The following RASGEF1A variants were observed in gnomAD, a reference collection of about 807,000 sequenced individuals.
The protein encoded by RASGEF1A is RasGEF domain family member 1A, also known as ras-GEF domain-containing family member 1A.
RASGEF1A carries 18 observed loss-of-function variants against 56.4 expected under a neutral mutation model. The observed-to-expected ratio is 0.32, with a 90% confidence interval of 0.22 to 0.47. The LOEUF is 0.47. Among genes scored for constraint, RASGEF1A ranks in the 20% least tolerant of loss-of-function variants. RASGEF1A has a pLI of 1.00. For synonymous variants in RASGEF1A, 245 were observed against 242.6 expected, an observed-to-expected ratio of 1.01 and a Z score of -0.09; for missense variants, 422 against 627.1, an observed-to-expected ratio of 0.67 and a Z score of 3.49.
intron 1 of RASGEF1A, among the ~76,000 whole-genome samples, chr10:43,230,885 C>T (rs1840357572): frequency 6.6e-6 from 1 of 152,204 alleles, no homozygotes; most frequent in Non-Finnish European, 1.5e-5. Context: ...AAAGTAGGGG[C>T]TGTGCTGGGT....
At chr10:43,197,940 G>T (rs1331514747) in intron 10 of RASGEF1A, 64 bp downstream of exon 10, 1 of 1,426,826 alleles carries the variant, frequency 7.0e-7, no homozygotes, top group Non-Finnish European at 9.7e-7. Context: ...CAGGGCTAAT[G>T]CCTGGCGGCT....
intron 1 of RASGEF1A, among the ~76,000 whole-genome samples, chr10:43,246,984 T>C (rs908623579): frequency 8.5e-5 from 13 of 152,304 alleles, no homozygotes; most frequent in Non-Finnish European, 1.5e-4. Context: ...TGGGAAACAC[T>C]ACCCTCAGAA....
chr10:43,235,806 T>G (rs775806622), intron 1 of RASGEF1A, among the ~76,000 whole-genome samples: 1 of 152,090 alleles, frequency 6.6e-6, no homozygotes, highest in Non-Finnish European at 1.5e-5. Flanking sequence ...CACAGCATCA[T>G]GCCCAGCACA....
chr10:43,210,404 G>A (rs1040528107), intron 1 of RASGEF1A, among the ~76,000 whole-genome samples: 1 of 152,180 alleles, frequency 6.6e-6, no homozygotes, highest in East Asian at 1.9e-4. Context: ...AGCCCAGGAG[G>A]TTGAGGCTGC....
chr10:43,229,865 C>T, intron 1 of RASGEF1A: 1 of 624,190 alleles, frequency 1.6e-6, no homozygotes, highest in South Asian at 5.4e-5. Context: ...GCGAGGCCGG[C>T]CAGGAACGCG....
intron 1 of RASGEF1A, among the ~76,000 whole-genome samples, chr10:43,260,369 G>A (rs796358667): frequency 3.3e-5 from 5 of 152,314 alleles, no homozygotes; most frequent in African/African-American, 7.2e-5. Flanking sequence ...ATCCCCTCCT[G>A]TGTCTTCCCC....
intron 1 of RASGEF1A, among the ~76,000 whole-genome samples, chr10:43,254,502 G>A (rs565522772): frequency 6.6e-6 from 1 of 152,204 alleles, no homozygotes; most frequent in South Asian, 2.1e-4. Flanking sequence ...TCCACCTCGG[G>A]CCTCACGGCT....
chr10:43,203,186 GA>G (rs1313879398), intron 3 of RASGEF1A, 111 bp downstream of exon 3: 16,687 of 913,950 alleles, frequency 0.018, 658 homozygotes, highest in African/African-American at 0.15. Flanking sequence ...CTCTAGCCCT[GA>G]CCCCATCCCC....
chr10:43,254,590 C>A (rs1033019340), intron 1 of RASGEF1A, among the ~76,000 whole-genome samples: 1 of 152,216 alleles, frequency 6.6e-6, no homozygotes, highest in African/African-American at 2.4e-5. Context: ...CAGGTCACAG[C>A]GCAGTGACAC....
chr10:43,242,582 G>A (rs1737213049), intron 1 of RASGEF1A, among the ~76,000 whole-genome samples: 2 of 152,080 alleles, frequency 1.3e-5, no homozygotes, highest in South Asian at 4.2e-4. Flanking sequence ...GCAGAGCCTG[G>A]ACTGTACTGC....
intron 1 of RASGEF1A, among the ~76,000 whole-genome samples, chr10:43,260,323 A>T (rs924431579): frequency 3.9e-5 from 6 of 151,942 alleles, no homozygotes; most frequent in African/African-American, 1.5e-4. Flanking sequence ...CCACTCTGCA[A>T]CCTGGGCCCT....
At chr10:43,225,542 T>C (rs1481009160) in intron 1 of RASGEF1A, among the ~76,000 whole-genome samples, 1 of 151,658 alleles carries the variant, frequency 6.6e-6, no homozygotes, top group Non-Finnish European at 1.5e-5. Context: ...TGTGTGCACC[T>C]ATGTGTGTCT....
chr10:43,257,260 G>C (rs1022836127), intron 1 of RASGEF1A, among the ~76,000 whole-genome samples: 2 of 152,220 alleles, frequency 1.3e-5, no homozygotes, highest in African/African-American at 4.8e-5. Flanking sequence ...ATCAGCACCA[G>C]CAGGACTCTT....
chr10:43,215,870 G>A (rs977349519), intron 1 of RASGEF1A, among the ~76,000 whole-genome samples: 11 of 152,212 alleles, frequency 7.2e-5, no homozygotes, highest in East Asian at 3.9e-4. Flanking sequence ...GTGGGAAAGC[G>A]GTAACCTCTG....
chr10:43,247,348 C>T (rs1235027473), intron 1 of RASGEF1A, among the ~76,000 whole-genome samples: 1 of 152,038 alleles, frequency 6.6e-6, no homozygotes, highest in Non-Finnish European at 1.5e-5. Context: ...AGAAAATGAT[C>T]GGTATAGTTC....
At chr10:43,252,458 C>T (rs566110218) in intron 1 of RASGEF1A, among the ~76,000 whole-genome samples, 26 of 152,120 alleles carry the variant, frequency 1.7e-4, no homozygotes, top group African/African-American at 5.3e-4. Context: ...GGCCGGGGCT[C>T]GGCATCCAGC....
At chr10:43,208,645 G>C in intron 1 of RASGEF1A, 1 of 985,632 alleles carries the variant, frequency 1.0e-6, no homozygotes, top group Non-Finnish European at 1.2e-6. Flanking sequence ...GGTTCCTTCT[G>C]TCCTGCCTAC....
At chr10:43,223,921 A>T (rs1035809685) in intron 1 of RASGEF1A, among the ~76,000 whole-genome samples, 4 of 152,316 alleles carry the variant, frequency 2.6e-5, no homozygotes, top group African/African-American at 9.6e-5. Context: ...AAAAAAGGGA[A>T]TCTAACTCCA....
intron 1 of RASGEF1A, among the ~76,000 whole-genome samples, chr10:43,252,606 G>A (rs141169806): frequency 0.015 from 2,286 of 152,224 alleles, 28 homozygotes; most frequent in Non-Finnish European, 0.02. Flanking sequence ...GGAAGGGAGG[G>A]GACGTGACTG....
Sources: allele counts gnomAD v4.1 joint callset (sites outside exome capture counted in the v4.1 genomes callset), GRCh38; gene constraint gnomAD v4.1.1; transcripts MANE v1.5; gene names NCBI Gene and HGNC (gene_info 2026-07-23, HGNC 2026-07-21).